ZNF383: variants seen among roughly 807,000 people sequenced by gnomAD.
The protein encoded by ZNF383 is zinc finger protein 383.
In ZNF383, 32 loss-of-function variants were observed where a neutral mutation model predicts 44.2. The observed-to-expected ratio is 0.72, with a 90% CI of 0.55 to 0.97. The LOEUF (loss-of-function observed/expected upper bound fraction) is 0.97. Ranked by LOEUF, ZNF383 falls within the 50% of genes least tolerant of loss-of-function variation. ZNF383 has a pLI of 0.00. For synonymous variants in ZNF383, 155 were observed against 186.2 expected, an observed-to-expected ratio of 0.83 and a Z score of 1.36; for missense variants, 487 against 562.5, an observed-to-expected ratio of 0.87 and a Z score of 1.36.
chr19:37,231,455 C>T (rs1449170504), intron 3 of ZNF383, among the ~76,000 whole-genome samples: 1 of 152,062 alleles, frequency 6.6e-6, no homozygotes, highest in African/African-American at 2.4e-5. Flanking sequence ...ACCTGGGAGG[C>T]AGAAATTGCA....
intron 2 of ZNF383, among the ~76,000 whole-genome samples, chr19:37,229,387 G>A (rs1012037955): frequency 3.4e-5 from 5 of 148,240 alleles, no homozygotes; most frequent in African/African-American, 9.9e-5. Context: ...TCGAACTCCC[G>A]ACCTCAGGTG....
chr19:37,241,662 T>C (rs1974088087), intron 5 of ZNF383, among the ~76,000 whole-genome samples: 1 of 152,138 alleles, frequency 6.6e-6, no homozygotes, highest in Non-Finnish European at 1.5e-5. Context: ...AAGCTAGTGT[T>C]TCTGGTAATC....
intron 2 of ZNF383, among the ~76,000 whole-genome samples, chr19:37,229,147 A>ATTTTTTTTTTTTTTTTTTTT (rs774901192): frequency 8.6e-6 from 1 of 116,882 alleles, no homozygotes; most frequent in Non-Finnish European, 1.8e-5. Flanking sequence ...AAAAGGTTGA[A>ATTTTTTTTTTTTTTTTTTTT]TTTTTTTTTT....
rs528122564 is a variant in ZNF383, at chr19:37,244,219, G to C, written c.*555G>C. The C allele has an allele frequency of 6.6e-6, 1 of 152,250 alleles. No homozygotes were observed. The highest frequency in any genetic ancestry group is 2.1e-4 in the South Asian group (1 of 4,818). The allele number at this position is 152,250 out of a possible 1,614,324, so 9.4% of individuals were successfully genotyped here. On this transcript the variant is annotated 3_prime_UTR_variant, in exon 6 of 6. Transcript: ENST00000684119. ...CTGCCTCAGACTCCTGAGTAGCTGG[G>C]ATCACAGGCGTGTGCCACCACACCC...
intron 2 of ZNF383, among the ~76,000 whole-genome samples, chr19:37,230,004 A>G (rs1157637026): frequency 4.0e-5 from 6 of 151,878 alleles, no homozygotes; most frequent in Non-Finnish European, 7.4e-5. Flanking sequence ...AAAGGGCACC[A>G]TTTGTGTGAG....
chr19:37,237,924 A>ACAAT (rs1251874432), intron 5 of ZNF383, among the ~76,000 whole-genome samples: 22 of 150,278 alleles, frequency 1.5e-4, no homozygotes, highest in Non-Finnish European at 1.5e-5. Context: ...GTGCAGCGGC[A>ACAAT]CAATCATGGC....
intron 2 of ZNF383, chr19:37,227,877 TCAAA>T (rs1253447382): frequency 1.3e-5 from 2 of 152,230 alleles, no homozygotes; most frequent in Non-Finnish European, 2.9e-5. Context: ...TTTGTTACTG[TCAAA>T]CAAAATTTGT....
chr19:37,233,329 C>T (rs1160301818), intron 3 of ZNF383, among the ~76,000 whole-genome samples: 4 of 151,872 alleles, frequency 2.6e-5, no homozygotes, highest in Admixed American at 2.6e-4. Context: ...GACAGGGTTT[C>T]ACTGTGTTAG....
At position 37,248,636 on chromosome 19, in the gene ZNF383, G is replaced by A. The variant is rs1002702281; in HGVS notation, c.*4972G>A. On this transcript the variant is annotated 3_prime_UTR_variant, in exon 6 of 6. Transcript: ENST00000684119. The stretch of plus-strand genomic sequence containing the variant: ...TTCAAATAACTAAAGTTCTGTCAAT[G>A]AAAATATATGCTCTAACCTCAACAT... 1 of 152,174 alleles carries A rather than the reference G, an allele frequency of 6.6e-6. No individual in the cohort carries two copies. The highest frequency in any genetic ancestry group is 2.4e-5 in the African/African-American group (1 of 41,450). The allele number at this position is 152,174 out of a possible 1,614,324, so 9.4% of individuals were successfully genotyped here.
At chr19:37,233,074 C>T (rs1973577533) in intron 3 of ZNF383, among the ~76,000 whole-genome samples, 1 of 152,046 alleles carries the variant, frequency 6.6e-6, no homozygotes, top group African/African-American at 2.4e-5. Flanking sequence ...TCCCCTCTTA[C>T]AGCATTCTAC....
At chr19:37,222,460 T>G (rs1280053015) in intron 1 of ZNF383, among the ~76,000 whole-genome samples, 1 of 152,100 alleles carries the variant, frequency 6.6e-6, no homozygotes, top group African/African-American at 2.4e-5. Context: ...CACCACAACC[T>G]CCACCTCCTG....
chr19:37,227,593 CAG>C (rs1050782455), intron 2 of ZNF383: 2 of 152,592 alleles, frequency 1.3e-5, no homozygotes, highest in Non-Finnish European at 2.9e-5. Context: ...AGACCCAAGA[CAG>C]AGATAGAAGA....
rs28376628 is a variant in ZNF383, at chr19:37,229,616, G to A, written c.-45-793G>A. ...TGGGATTACAAGCATATATATATAT[G>A]TGTGTGTGTGTGTGTGTATATATAT... On this transcript the variant is annotated intron_variant, in intron 2 of 5. Transcript: ENST00000684119. Among the ~76,000 whole-genome samples the A allele has an allele frequency of 1.7e-3, 184 of 107,284 alleles. 2 individuals are homozygous for A. The highest frequency in any genetic ancestry group is 6.3e-3 in the Admixed American group (68 of 10,800). 70.4% of individuals were successfully genotyped at this position (107,284 alleles called of 152,430 possible). A position where few individuals can be genotyped will look rare whatever the true frequency, so the allele number is the denominator to read the frequency against.
intron 1 of ZNF383, among the ~76,000 whole-genome samples, chr19:37,222,174 T>G (rs933938653): frequency 1.3e-5 from 2 of 152,066 alleles, no homozygotes; most frequent in Non-Finnish European, 2.9e-5. Flanking sequence ...ACTTTTTTTT[T>G]CCTACTGTCA....
Position 37,243,567 on chromosome 19 carries a change from A to G in ZNF383, c.1331A>G (p.His444Arg). 6.2e-7 allele frequency: 1 copy of G among 1,614,112 alleles called. No individual in the cohort carries two copies. The highest frequency in any genetic ancestry group is 8.5e-7 in the Non-Finnish European group (1 of 1,179,994). The change falls in exon 6 of 6, where the codon CAC becomes CGC. Residue 444 changes from histidine to arginine, a missense_variant. His to Arg is a conservative substitution (Grantham distance 29). Coordinates refer to ENST00000684119, the MANE Select transcript of ZNF383 (RefSeq NM_001387601.1). ...CSNLTRHLRI[H>R]TGEKPYNCKE... Reference sequence around the variant, plus strand: ...AACCTTACTCGACATCTGAGAATTCACACTGGTGAAAAGCCCTATAACTGT... The same window carrying G: ...AACCTTACTCGACATCTGAGAATTCGCACTGGTGAAAAGCCCTATAACTGT...
intron 3 of ZNF383, among the ~76,000 whole-genome samples, chr19:37,234,336 G>GCAATGT (rs1252611506): frequency 6.6e-6 from 1 of 152,002 alleles, no homozygotes; most frequent in African/African-American, 2.4e-5. Context: ...TGTTAGTTTT[G>GCAATGT]CAATGTCACT....
At position 37,248,159 on chromosome 19, in the gene ZNF383, T is replaced by G. The variant is rs1004739095; in HGVS notation, c.*4495T>G. On this transcript the variant is annotated 3_prime_UTR_variant, in exon 6 of 6. Coordinates refer to ENST00000684119, the MANE Select transcript of ZNF383 (RefSeq NM_001387601.1). Reference sequence around the variant, plus strand: ...CAAAAATAAATAAGTGAAATAAAATTTTTCTTAAAATATATTTTAAATGTC... The same window carrying G: ...CAAAAATAAATAAGTGAAATAAAATGTTTCTTAAAATATATTTTAAATGTC... 6.6e-6 allele frequency: 1 copy of G among 151,968 alleles called. No individual in the cohort carries two copies. The highest frequency in any genetic ancestry group is 2.4e-5 in the African/African-American group (1 of 41,372). The allele number at this position is 151,968 out of a possible 1,614,324, so 9.4% of individuals were successfully genotyped here.
chr19:37,223,548 A>G, intron 1 of ZNF383, among the ~76,000 whole-genome samples: 1 of 152,184 alleles, frequency 6.6e-6, no homozygotes, highest in Non-Finnish European at 1.5e-5. Context: ...TAAAAAAACA[A>G]AAATTAAAGA....
Position 37,243,324 on chromosome 19 carries a change from A to C in ZNF383, c.1088A>C (p.Glu363Ala), listed in dbSNP as rs761086396. The C allele has an allele frequency of 1.2e-6, 2 of 1,614,174 alleles. No homozygotes were observed. Among genetic ancestry groups the C allele is most frequent in the South Asian group, 2.2e-5 (2 of 91,082 alleles). ...AATCATCAGAGAATTCACACTGGTG[A>C]GAAACCCTATGATTGTAAGGAATGT... Reference protein sequence around the residue: ...LTNHQRIHTGEKPYDCKECGK... With the variant: ...LTNHQRIHTGAKPYDCKECGK... The change falls in exon 6 of 6, where the codon GAG becomes GCG. Residue 363 changes from glutamate to alanine, a missense_variant. Physicochemically the swap from Glu to Ala is moderately radical, Grantham distance 107 (BLOSUM62 -1). Coordinates refer to ENST00000684119, the MANE Select transcript of ZNF383 (RefSeq NM_001387601.1).
Sources: gnomAD v4.1 joint callset for allele counts (sites outside exome capture counted in the v4.1 genomes callset) on GRCh38, gnomAD v4.1.1 for gene constraint, MANE v1.5 for transcripts, NCBI Gene and HGNC (gene_info 2026-07-23, HGNC 2026-07-21) for gene names.